The following ADGRV1 variants were observed in gnomAD, a reference collection of about 807,000 sequenced individuals.
ADGRV1 encodes G-protein coupled receptor 98.
ADGRV1 carries 359 observed loss-of-function variants against 596.2 expected under a neutral mutation model. The observed-to-expected ratio is 0.60, with a 90% confidence interval of 0.55 to 0.66. The LOEUF (loss-of-function observed/expected upper bound fraction) is 0.66, where lower values mean the gene tolerates loss of function less well. ADGRV1 is among the 30% of genes least tolerant of loss of function. The pLI is 0.00. For missense variants in ADGRV1, 7,274 were observed against 7,575.6 expected (o/e 0.96, Z 1.48); for synonymous variants, 2,681 against 2,679.2 (o/e 1.00, Z -0.02).
At chr5:91,037,233 A>T (rs1276941357) in intron 85 of ADGRV1, among the ~76,000 whole-genome samples, 1 of 152,190 alleles carries the variant, frequency 6.6e-6, no homozygotes, top group Non-Finnish European at 1.5e-5. Flanking sequence ...ACAAGCAAAC[A>T]TGCCTTATCT....
rs763890665 is a variant in ADGRV1 at position 90,774,253 on chromosome 5, T to A, written c.12353T>A (p.Phe4118Tyr). 6.2e-7 allele frequency: 1 copy of A among 1,610,846 alleles called. No homozygotes were observed. Among genetic ancestry groups the A allele is most frequent in the Non-Finnish European group, 8.5e-7 (1 of 1,177,224 alleles). The change falls in exon 60 of 90, where the codon TTC becomes TAC. Residue 4118 changes from phenylalanine (F) to tyrosine (Y), a missense_variant. Transcript: ENST00000405460. ...ACAGTGTTGGAGGAGGACAGGCGTT[T>A]CACCATTCAGCTGATATCAATTGAT... Reference protein sequence around the residue: ...QDTVLEEDRRFTIQLISIDEV... With the variant: ...QDTVLEEDRRYTIQLISIDEV...
chr5:90,817,733 G>A (rs1763042119), intron 75 of ADGRV1, among the ~76,000 whole-genome samples: 1 of 152,098 alleles, frequency 6.6e-6, no homozygotes, highest in Admixed American at 6.5e-5. Flanking sequence ...TAGATATGCG[G>A]CGTTACTTCT....
At chr5:90,873,252 A>G (rs762994666) in intron 83 of ADGRV1, among the ~76,000 whole-genome samples, 1 of 152,200 alleles carries the variant, frequency 6.6e-6, no homozygotes, top group African/African-American at 2.4e-5. Context: ...GCAGAGCCCT[A>G]TTCAGATACC....
chr5:90,716,573 T>A lies in ADGRV1; in HGVS notation c.9291T>A (p.Ser3097Arg). 6.2e-7 allele frequency: 1 copy of A among 1,613,636 alleles called. No individual in the cohort carries two copies. The highest frequency in any genetic ancestry group is 8.5e-7 in the Non-Finnish European group (1 of 1,179,718). Residue 3097 changes from serine to arginine, a missense_variant, in exon 43 of 90, where the codon AGT becomes AGA. By Grantham distance (110) the Ser-to-Arg change is moderately radical (BLOSUM62 -1). Around this residue, in one of 5 missense-constraint regions of ADGRV1, gnomAD observed 3,643 missense variants for 3,809.2 expected, o/e 0.96. Transcript: ENST00000405460. ...CAACAGCTCTCTACGTCCAGGAGAG[T>A]GTTGCAGTATTGTACATTGTTCGGG... ...REPTALYVQE[S>R]VAVLYIVREP...
chr5:90,991,540 A>G (rs1780966826), intron 85 of ADGRV1, among the ~76,000 whole-genome samples: 2 of 152,184 alleles, frequency 1.3e-5, no homozygotes, highest in Non-Finnish European at 2.9e-5. Flanking sequence ...CCACCTCCCA[A>G]AGTGCTAGGA....
chr5:91,042,035 G>C (rs1190905326), intron 85 of ADGRV1, among the ~76,000 whole-genome samples: 2 of 152,164 alleles, frequency 1.3e-5, no homozygotes, highest in East Asian at 3.9e-4. Flanking sequence ...CTGTTTTACA[G>C]ATGTTTTAAA....
At chr5:91,009,736 T>A (rs1782574395) in intron 85 of ADGRV1, among the ~76,000 whole-genome samples, 1 of 152,084 alleles carries the variant, frequency 6.6e-6, no homozygotes, top group Non-Finnish European at 1.5e-5. Flanking sequence ...TGAACCAAAG[T>A]TATATAATAT....
At chr5:91,041,646 A>G (rs979683728) in intron 85 of ADGRV1, among the ~76,000 whole-genome samples, 19 of 152,088 alleles carry the variant, frequency 1.2e-4, no homozygotes, top group Middle Eastern at 3.4e-3. Flanking sequence ...TAAAAAAAAA[A>G]AAAGAGAGAG....
chr5:90,766,829 C>A (rs2150033042), intron 59 of ADGRV1, among the ~76,000 whole-genome samples: 1 of 152,284 alleles, frequency 6.6e-6, no homozygotes, highest in Middle Eastern at 3.4e-3. Context: ...TCAACCAACC[C>A]ACTGTAGGAT....
chr5:90,958,870 C>A (rs1040910536), intron 83 of ADGRV1, among the ~76,000 whole-genome samples: 2 of 152,066 alleles, frequency 1.3e-5, no homozygotes, highest in African/African-American at 4.8e-5. Flanking sequence ...ACAATTTAGC[C>A]CATAACAATA....
At position 90,720,073 on chromosome 5, in the gene ADGRV1, A is replaced by G. The variant is rs1239273851; in HGVS notation, c.9473A>G (p.Asp3158Gly). 1.2e-6 allele frequency: 2 copies of G among 1,613,718 alleles called. No individual in the cohort carries two copies. Among genetic ancestry groups the G allele is most frequent in the East Asian group, 2.2e-5 (1 of 44,852 alleles). ...GCCCTACAAATATCTGCCATATTAGACACGGAACCAGAAATGGATGAGTAT... is the reference window on the plus strand; with the variant it reads ...GCCCTACAAATATCTGCCATATTAGGCACGGAACCAGAAATGGATGAGTAT... Reference protein sequence around the residue: ...FKALQISAILDTEPEMDEYFV... With the variant: ...FKALQISAILGTEPEMDEYFV... Residue 3158 changes from aspartate to glycine, a missense_variant, in exon 44 of 90, where the codon GAC (aspartate) becomes GGC (glycine). Physicochemically the swap from Asp to Gly is moderately conservative, Grantham distance 94 (BLOSUM62 -1). Coordinates refer to ENST00000405460, the MANE Select transcript of ADGRV1 (RefSeq NM_032119.4).
intron 17 of ADGRV1, among the ~76,000 whole-genome samples, chr5:90,650,863 G>T (rs150963684): frequency 1.2e-3 from 177 of 152,290 alleles, no homozygotes; most frequent in African/African-American, 4.0e-3. Context: ...AAGAGTTGTT[G>T]CTTGAGCTGG....
chr5:91,028,950 C>A (rs1178082737), intron 85 of ADGRV1, among the ~76,000 whole-genome samples: 1 of 151,952 alleles, frequency 6.6e-6, no homozygotes, highest in African/African-American at 2.4e-5. Flanking sequence ...GTTGACCAGG[C>A]TAGCTTGAAC....
At chr5:90,973,662 T>C (rs1779273526) in intron 84 of ADGRV1, among the ~76,000 whole-genome samples, 1 of 152,208 alleles carries the variant, frequency 6.6e-6, no homozygotes, top group Non-Finnish European at 1.5e-5. Flanking sequence ...TTCTTCATGC[T>C]AAAAACTCTC....
chr5:90,972,367 AGAACTC>A (rs1779122558), intron 84 of ADGRV1, among the ~76,000 whole-genome samples: 1 of 152,232 alleles, frequency 6.6e-6, no homozygotes, highest in Non-Finnish European at 1.5e-5. Flanking sequence ...AGACATCTAC[AGAACTC>A]TCCACCCCAA....
intron 50 of ADGRV1, among the ~76,000 whole-genome samples, chr5:90,740,893 A>G (rs1403419469): frequency 6.6e-6 from 1 of 152,152 alleles, no homozygotes; most frequent in Non-Finnish European, 1.5e-5. Context: ...TCAAAGAGAA[A>G]CTGTTCCTCT....
At chr5:90,843,487 C>G (rs1403078594) in intron 78 of ADGRV1, among the ~76,000 whole-genome samples, 2 of 152,132 alleles carry the variant, frequency 1.3e-5, no homozygotes, top group African/African-American at 4.8e-5. Flanking sequence ...GAACCTTATC[C>G]TAAATTCTAC....
In ADGRV1 at chr5:90,706,755, C is replaced by T. The variant is rs572161257; in HGVS notation, c.8730+361C>T. ...TAAAAAAAAAAAAAAATTACTCTGA[C>T]TTTAATATCAGGTTTGGACACTCTA... On this transcript the variant is annotated intron_variant, in intron 38 of 89. Coordinates refer to ENST00000405460, the MANE Select transcript of ADGRV1 (RefSeq NM_032119.4). 1.0e-4 allele frequency among the ~76,000 whole-genome samples: 15 copies of T among 150,460 alleles called. No individual in the cohort carries two copies. The South Asian group carries it at 2.7e-3, about 27-fold the overall frequency.
intron 1 of ADGRV1, among the ~76,000 whole-genome samples, chr5:90,612,953 AT>A (rs1016730895): frequency 6.6e-6 from 1 of 152,102 alleles, no homozygotes; most frequent in Non-Finnish European, 1.5e-5. Context: ...TTAAATGCAT[AT>A]TCCTGGTCCT....
Sources: gnomAD v4.1 joint callset for allele counts (sites outside exome capture counted in the v4.1 genomes callset) on GRCh38, gnomAD v4.1.1 for gene constraint, gnomAD v4.1.1 regional missense constraint, MANE v1.5 for transcripts, NCBI Gene and HGNC (gene_info 2026-07-23, HGNC 2026-07-21) for gene names.